Variants in SNTB2 observed in about 807,000 individuals in gnomAD.
SNTB2 encodes the protein syntrophin beta 2, also known as beta-2-syntrophin.
A neutral mutation model predicts 46.2 loss-of-function variants in SNTB2; 34 were observed. The ratio of observed to expected loss-of-function variants is 0.74; its 90% CI spans 0.56 to 0.98. The LOEUF is 0.98. SNTB2 is among the 50% of genes least tolerant of loss of function. The pLI, the probability that SNTB2 is intolerant of heterozygous loss-of-function variation, is 0.00. For missense variants in SNTB2, 603 were observed against 731.4 expected (o/e 0.82, Z 2.02); for synonymous variants, 290 against 312.6 (o/e 0.93, Z 0.76).
chr16:69,252,363 TTATTAA>T (rs1406603768), intron 2 of SNTB2, among the ~76,000 whole-genome samples: 1 of 152,182 alleles, frequency 6.6e-6, no homozygotes, highest in Non-Finnish European at 1.5e-5. Context: ...AAGCGAACAC[TTATTAA>T]ATAATGATGA....
intron 2 of SNTB2, among the ~76,000 whole-genome samples, chr16:69,247,195 G>A (rs1189611920): frequency 6.6e-6 from 1 of 152,010 alleles, no homozygotes; most frequent in Non-Finnish European, 1.5e-5. Flanking sequence ...TCAACCAGCA[G>A]TGTGACTCTG....
chr16:69,187,644 G>T lies in SNTB2; in HGVS notation c.478G>T (p.Gly160Cys). 6.4e-7 allele frequency: 1 copy of T among 1,550,990 alleles called. No individual in the cohort carries two copies. The highest frequency in any genetic ancestry group is 1.4e-5 in the African/African-American group (1 of 70,766). The change falls in exon 1 of 7, where the codon GGC (glycine) becomes TGC (cysteine). Residue 160 changes from glycine to cysteine, a missense_variant. By Grantham distance (159) the Gly-to-Cys change is radical. This residue lies in a region of SNTB2 where 537 missense variants were observed against 692.4 expected (regional missense o/e 0.78). Transcript: ENST00000336278. ...CGACCAGAGCCGGGCGCTGCGGCTG[G>T]GCGACGCCATCCTGTCGGTGAACGG... is the stretch of plus-strand genomic sequence containing the variant. ...AADQSRALRL[G>C]DAILSVNGTD...
At chr16:69,196,590 G>T (rs1964108554) in intron 1 of SNTB2, among the ~76,000 whole-genome samples, 1 of 151,964 alleles carries the variant, frequency 6.6e-6, no homozygotes, top group South Asian at 2.1e-4. Flanking sequence ...GGTCAGGCTG[G>T]TCTCGAACTC....
At chr16:69,215,831 C>T (rs560490775) in intron 1 of SNTB2, among the ~76,000 whole-genome samples, 2 of 152,152 alleles carry the variant, frequency 1.3e-5, no homozygotes, top group Non-Finnish European at 2.9e-5. Context: ...GATACAGGGT[C>T]CTGATCTGTC....
intron 1 of SNTB2, chr16:69,235,583 G>A (rs775112788): frequency 1.6e-5 from 11 of 670,332 alleles, no homozygotes; most frequent in African/African-American, 2.0e-5. Flanking sequence ...AGACCAAAGT[G>A]GGGGAGGGGG....
intron 1 of SNTB2, among the ~76,000 whole-genome samples, chr16:69,194,936 T>C (rs1326502582): frequency 6.6e-6 from 1 of 152,222 alleles, no homozygotes; most frequent in Non-Finnish European, 1.5e-5. Context: ...AGAAACATTA[T>C]AGACAGCTGT....
chr16:69,238,139 G>C (rs1964576216), intron 1 of SNTB2, among the ~76,000 whole-genome samples: 1 of 152,124 alleles, frequency 6.6e-6, no homozygotes, highest in Non-Finnish European at 1.5e-5. Flanking sequence ...GTTTTTGTTG[G>C]GTTTGGCCAA....
intron 1 of SNTB2, among the ~76,000 whole-genome samples, chr16:69,211,521 G>A (rs1216337168): frequency 1.6e-5 from 2 of 124,224 alleles, no homozygotes; most frequent in East Asian, 2.3e-4. Context: ...AACATAATGA[G>A]ACCCCATCTC....
chr16:69,307,923 A>C lies in SNTB2; in HGVS notation c.*6999A>C, dbSNP rs944069172. ...AAATAAGGCTGACTGAATGTTTTCC[A>C]TAATTTTCACACAATAACAGTCCCT... On this transcript the variant is annotated 3_prime_UTR_variant, in exon 7 of 7. Transcript: ENST00000336278. The C allele has an allele frequency of 6.6e-6, 1 of 152,230 alleles. No individual in the cohort carries two copies. Among genetic ancestry groups the C allele is most frequent in the Non-Finnish European group, 1.5e-5 (1 of 68,044 alleles). 9.4% of individuals were successfully genotyped at this position (152,230 alleles called of 1,614,324 possible). A position where few individuals can be genotyped will look rare whatever the true frequency, so the allele number is the denominator to read the frequency against.
At chr16:69,220,262 C>T (rs756218115) in intron 1 of SNTB2, among the ~76,000 whole-genome samples, 1 of 143,972 alleles carries the variant, frequency 6.9e-6, no homozygotes. Flanking sequence ...CCCAGATTCA[C>T]GCCATTCTCC....
chr16:69,210,893 A>C (rs1964277285), intron 1 of SNTB2, among the ~76,000 whole-genome samples: 1 of 152,086 alleles, frequency 6.6e-6, no homozygotes, highest in Non-Finnish European at 1.5e-5. Context: ...AGGGAGACTG[A>C]GGCAGGAGAA....
In SNTB2 at chr16:69,303,508, G is replaced by C. The variant is rs1433536256; in HGVS notation, c.*2584G>C. On this transcript the variant is annotated 3_prime_UTR_variant, in exon 7 of 7. Coordinates refer to ENST00000336278, the MANE Select transcript of SNTB2 (RefSeq NM_006750.4). Reference sequence around the variant, plus strand: ...GCATGTGTGCATTTTCACTCATTTTGGTCAAGGTTAAACTGACATGTATAG... The same window carrying C: ...GCATGTGTGCATTTTCACTCATTTTCGTCAAGGTTAAACTGACATGTATAG... 18 of 152,610 alleles carry C rather than the reference G, an allele frequency of 1.2e-4. No individual in the cohort carries two copies. The highest frequency in any genetic ancestry group is 5.9e-5 in the Non-Finnish European group (4 of 68,054). The allele number at this position is 152,610 out of a possible 1,614,324, so 9.5% of individuals were successfully genotyped here.
chr16:69,245,660 G>C lies in SNTB2; in HGVS notation c.639G>C (p.Leu213=). The C allele has an allele frequency of 6.2e-7, 1 of 1,614,096 alleles. No individual in the cohort carries two copies. Among genetic ancestry groups the C allele is most frequent in the Non-Finnish European group, 8.5e-7 (1 of 1,180,006 alleles). Residue 213 remains leucine (L), a synonymous_variant, in exon 2 of 7, where the codon CTG becomes CTC. Coordinates refer to ENST00000336278, the MANE Select transcript of SNTB2 (RefSeq NM_006750.4). ...YIKKPSLVSD[L]PWEGAAPQSP... ...AGAAGCCATCATTAGTATCAGATCT[G>C]CCGTGGGAAGGTGCAGCCCCCCAGT... is the stretch of plus-strand genomic sequence containing the variant.
At chr16:69,206,533 A>C (rs1002867093) in intron 1 of SNTB2, among the ~76,000 whole-genome samples, 1 of 151,570 alleles carries the variant, frequency 6.6e-6, no homozygotes, top group African/African-American at 2.4e-5. Flanking sequence ...CTCTACTAAA[A>C]ATACAAAATT....
At chr16:69,210,019 A>T (rs865830784) in intron 1 of SNTB2, among the ~76,000 whole-genome samples, 3,629 of 122,200 alleles carry the variant, frequency 0.03, 157 homozygotes, top group African/African-American at 0.11. Context: ...TTGTTATTTA[A>T]TTTTTTTTTT....
chr16:69,282,079 T>C (rs1017996251), intron 4 of SNTB2, among the ~76,000 whole-genome samples: 1 of 150,062 alleles, frequency 6.7e-6, no homozygotes, highest in Admixed American at 6.6e-5. Context: ...CTGATTTTTG[T>C]ATTTTAGTAG....
intron 3 of SNTB2, among the ~76,000 whole-genome samples, chr16:69,269,803 C>G (rs766661082): frequency 1.3e-5 from 2 of 151,828 alleles, no homozygotes; most frequent in South Asian, 4.2e-4. Flanking sequence ...ATTGGCCAGA[C>G]GTGTGGCTCA....
chr16:69,262,388 C>G (rs1038867263), intron 3 of SNTB2, among the ~76,000 whole-genome samples: 24 of 151,958 alleles, frequency 1.6e-4, no homozygotes, highest in Non-Finnish European at 2.9e-4. Flanking sequence ...TCACTGCAAG[C>G]TCGGCCTCCC....
intron 4 of SNTB2, among the ~76,000 whole-genome samples, chr16:69,278,957 G>C (rs1036739628): frequency 6.8e-6 from 1 of 147,776 alleles, no homozygotes; most frequent in South Asian, 2.2e-4. Context: ...ACGTGTGCTC[G>C]CTTCGGCAGC....
Sources: gnomAD v4.1 joint callset for allele counts (sites outside exome capture counted in the v4.1 genomes callset) on GRCh38, gnomAD v4.1.1 for gene constraint, gnomAD v4.1.1 regional missense constraint, MANE v1.5 for transcripts, NCBI Gene and HGNC (gene_info 2026-07-23, HGNC 2026-07-21) for gene names.